Variants in DRC11 observed in about 807,000 individuals in gnomAD.
The protein encoded by DRC11 is IQ and AAA domain-containing protein 1.
chr2:236,424,226 C>G, the DRC11 span, among the ~76,000 whole-genome samples: 1 of 151,804 alleles, frequency 6.6e-6, no homozygotes, highest in East Asian at 1.9e-4. Context: ...AATGTAAAGA[C>G]TTAAAAAAAA....
the DRC11 span, chr2:236,331,316 G>C: frequency 7.5e-7 from 1 of 1,325,320 alleles, no homozygotes; most frequent in Non-Finnish European, 1.1e-6. The surrounding 1 kb of genome is among the most constrained non-coding windows in gnomAD (Gnocchi z 4.8). Context: ...GCAGCGTGAG[G>C]AGTGTCTGCT....
At chr2:236,307,868 T>C in the DRC11 span, among the ~76,000 whole-genome samples, 1 of 152,252 alleles carries the variant, frequency 6.6e-6, no homozygotes, top group Admixed American at 6.5e-5. The surrounding 1 kb of genome is among the most constrained non-coding windows in gnomAD (Gnocchi z 7.0). Context: ...TGGGAGGTCC[T>C]GGGGCCTTTT....
At chr2:236,493,169 C>T in the DRC11 span, among the ~76,000 whole-genome samples, 4 of 152,110 alleles carry the variant, frequency 2.6e-5, no homozygotes, top group African/African-American at 9.7e-5. Context: ...AGGGAAACTC[C>T]CCTTTATAAA....
At chr2:236,366,086 C>G in the DRC11 span, among the ~76,000 whole-genome samples, 77 of 152,308 alleles carry the variant, frequency 5.1e-4, no homozygotes, top group African/African-American at 1.8e-3. Flanking sequence ...GGAGATGAAA[C>G]AGTGGACACG....
the DRC11 span, among the ~76,000 whole-genome samples, chr2:236,484,682 C>T: frequency 6.6e-6 from 1 of 151,488 alleles, no homozygotes; most frequent in Non-Finnish European, 1.5e-5. Context: ...ACAAACTGAA[C>T]TTAGAAAGGC....
the DRC11 span, chr2:236,368,977 T>C: frequency 6.6e-6 from 1 of 152,272 alleles, no homozygotes; most frequent in Non-Finnish European, 1.5e-5. Context: ...CTAACTAATT[T>C]AGATAAGGTC....
At chr2:236,419,112 G>A in the DRC11 span, 1 of 1,504,170 alleles carries the variant, frequency 6.6e-7, no homozygotes, top group Non-Finnish European at 8.8e-7. This position sits in a 1 kb window ranked among gnomAD's most constrained non-coding sequence, Gnocchi z 4.8. Flanking sequence ...AAAAGAAAAT[G>A]AAATCAAATT....
chr2:236,422,999 T>A, the DRC11 span, among the ~76,000 whole-genome samples: 3 of 151,846 alleles, frequency 2.0e-5, no homozygotes, highest in Non-Finnish European at 4.4e-5. Context: ...GCTAGCCATA[T>A]GTAGAAAGCT....
At chr2:236,410,070 C>A in the DRC11 span, among the ~76,000 whole-genome samples, 1 of 151,812 alleles carries the variant, frequency 6.6e-6, no homozygotes, top group Non-Finnish European at 1.5e-5. Context: ...CTAAAATTCT[C>A]TTTTTTGGTT....
chr2:236,389,580 T>C, the DRC11 span, among the ~76,000 whole-genome samples: 45 of 152,224 alleles, frequency 3.0e-4, no homozygotes, highest in Non-Finnish European at 4.9e-4. Flanking sequence ...CCTAGTGAGA[T>C]GAACCCGGTA....
chr2:236,465,417 T>C, the DRC11 span: 1,151 of 1,104,400 alleles, frequency 1.0e-3, 2 homozygotes, highest in Non-Finnish European at 1.4e-3. This position sits in a 1 kb window ranked among gnomAD's most constrained non-coding sequence, Gnocchi z 6.2. Context: ...CATGACTCTA[T>C]ATCAATATGC....
chr2:236,429,394 G>A, the DRC11 span, among the ~76,000 whole-genome samples: 3 of 152,220 alleles, frequency 2.0e-5, no homozygotes, highest in African/African-American at 4.8e-5. The surrounding 1 kb of genome is among the most constrained non-coding windows in gnomAD (Gnocchi z 5.9). Context: ...AGCTGGAGGG[G>A]TGCATGCACA....
At chr2:236,366,811 CCTCTCTCTCTTTCTCT>C in the DRC11 span, among the ~76,000 whole-genome samples, 44 of 144,590 alleles carry the variant, frequency 3.0e-4, no homozygotes, top group East Asian at 6.6e-4. Context: ...CCTTCCTCCT[CCTCTCTCTCTTTCTCT>C]CTCTCTCTCT....
the DRC11 span, among the ~76,000 whole-genome samples, chr2:236,386,203 T>G: frequency 2.7e-5 from 4 of 150,622 alleles, no homozygotes; most frequent in East Asian, 5.9e-4. Context: ...GATTCCCTCT[T>G]TTTCTATTGA....
chr2:236,360,611 C>T, the DRC11 span, among the ~76,000 whole-genome samples: 2 of 152,172 alleles, frequency 1.3e-5, no homozygotes, highest in African/African-American at 4.8e-5. This position sits in a 1 kb window ranked among gnomAD's most constrained non-coding sequence, Gnocchi z 5.8. Context: ...AGTCAGGCTG[C>T]CTGGCTTCAA....
At chr2:236,389,033 C>T in the DRC11 span, among the ~76,000 whole-genome samples, 3 of 152,106 alleles carry the variant, frequency 2.0e-5, no homozygotes, top group Non-Finnish European at 4.4e-5. Context: ...AGATCTCCAG[C>T]TGCCTGCTGG....
At chr2:236,458,717 C>T in the DRC11 span, among the ~76,000 whole-genome samples, 1 of 151,986 alleles carries the variant, frequency 6.6e-6, no homozygotes, top group Non-Finnish European at 1.5e-5. Flanking sequence ...CTGTTGCTTT[C>T]TTTCTCTCTC....
At chr2:236,491,246 G>GTATATA in the DRC11 span, among the ~76,000 whole-genome samples, 931 of 23,678 alleles carry the variant, frequency 0.039, 71 homozygotes, top group Non-Finnish European at 0.051. Context: ...TATATACACA[G>GTATATA]TATATATATA....
chr2:236,405,503 C>CCGGT, the DRC11 span, among the ~76,000 whole-genome samples: 1 of 151,932 alleles, frequency 6.6e-6, no homozygotes, highest in Non-Finnish European at 1.5e-5. This position sits in a 1 kb window ranked among gnomAD's most constrained non-coding sequence, Gnocchi z 4.6. Context: ...CTTGACCTGC[C>CCGGT]CGGTCTCTGG....
Sources: allele counts gnomAD v4.1 joint callset (sites outside exome capture counted in the v4.1 genomes callset), GRCh38; gene constraint gnomAD v4.1.1; non-coding constraint Gnocchi (gnomAD v3.1); transcripts MANE v1.5; gene names NCBI Gene and HGNC (gene_info 2026-07-23, HGNC 2026-07-21).